The following TINAG variants were observed in gnomAD, a reference collection of about 807,000 sequenced individuals.
TINAG encodes tubulointerstitial nephritis antigen.
In TINAG, 83 loss-of-function variants were observed where a neutral mutation model predicts 72.7. That is an observed-to-expected ratio of 1.14 (90% CI 0.96 to 1.37). The LOEUF is 1.37. TINAG is among the 40% of genes most tolerant of loss of function. The pLI is 0.00. For synonymous variants in TINAG, 234 were observed against 189.9 expected, an observed-to-expected ratio of 1.23 and a Z score of -1.91; for missense variants, 685 against 576.6, an observed-to-expected ratio of 1.19 and a Z score of -1.93.
At chr6:54,373,425 G>C (rs1037095149) in intron 9 of TINAG, among the ~76,000 whole-genome samples, 5 of 152,050 alleles carry the variant, frequency 3.3e-5, no homozygotes, top group Admixed American at 6.6e-5. Flanking sequence ...ACCACAGCTA[G>C]AAATGATTCT....
At chr6:54,389,420 A>G (rs1479570572) in intron 10 of TINAG, among the ~76,000 whole-genome samples, 1 of 152,194 alleles carries the variant, frequency 6.6e-6, no homozygotes. Flanking sequence ...CTTCCTGAAC[A>G]TAAGATAATG....
intron 3 of TINAG, among the ~76,000 whole-genome samples, chr6:54,323,212 G>A (rs1582701140): frequency 1.3e-5 from 2 of 152,120 alleles, no homozygotes; most frequent in African/African-American, 4.8e-5. Flanking sequence ...CTTTAAAAGA[G>A]TAGAAAGTGA....
chr6:54,329,704 T>C (rs557471988), intron 4 of TINAG, among the ~76,000 whole-genome samples: 6 of 152,212 alleles, frequency 3.9e-5, no homozygotes, highest in East Asian at 1.9e-4. Context: ...TCAAGACCCA[T>C]CATTGTGCTG....
intron 1 of TINAG, among the ~76,000 whole-genome samples, chr6:54,313,339 A>G (rs1283315538): frequency 6.6e-6 from 1 of 152,140 alleles, no homozygotes; most frequent in Non-Finnish European, 1.5e-5. Context: ...TCTAATAGTG[A>G]CAAGATTGGG....
intron 9 of TINAG, among the ~76,000 whole-genome samples, chr6:54,360,567 T>C (rs1763195329): frequency 6.6e-6 from 1 of 151,622 alleles, no homozygotes; most frequent in Non-Finnish European, 1.5e-5. Context: ...TCCCTGTCCA[T>C]TGAAGGTCTA....
At chr6:54,378,733 TTTC>T (rs1434519580) in intron 9 of TINAG, among the ~76,000 whole-genome samples, 9 of 152,142 alleles carry the variant, frequency 5.9e-5, no homozygotes, top group African/African-American at 2.2e-4. Flanking sequence ...GACTTTTCTA[TTTC>T]TTCTTCTTTC....
At chr6:54,318,360 A>G (rs1328523398) in intron 1 of TINAG, among the ~76,000 whole-genome samples, 1 of 152,132 alleles carries the variant, frequency 6.6e-6, no homozygotes, top group Non-Finnish European at 1.5e-5. Flanking sequence ...TATTTTAGTG[A>G]TAGCTGTACC....
At chr6:54,310,796 T>TTC (rs1217445449) in intron 1 of TINAG, among the ~76,000 whole-genome samples, 1 of 149,836 alleles carries the variant, frequency 6.7e-6, no homozygotes, top group Non-Finnish European at 1.5e-5. Context: ...TCTTTCTTTT[T>TTC]TCTCTCTCTC....
At chr6:54,378,470 C>A (rs1299019536) in intron 9 of TINAG, among the ~76,000 whole-genome samples, 1 of 152,094 alleles carries the variant, frequency 6.6e-6, no homozygotes, top group Non-Finnish European at 1.5e-5. Context: ...CTTACAGCAA[C>A]TCTAAAGAGC....
chr6:54,308,814 C>A lies in TINAG; in HGVS notation c.264C>A (p.Asp88Glu), dbSNP rs978664955. The A allele has an allele frequency of 1.2e-6, 2 of 1,613,786 alleles. No homozygotes were observed. The highest frequency in any genetic ancestry group is 1.7e-6 in the Non-Finnish European group (2 of 1,179,884). The change falls in exon 1 of 11, where the codon GAC becomes GAA. Residue 88 changes from aspartate (D) to glutamate (E), a missense_variant. Asp to Glu is a conservative substitution (Grantham distance 45, BLOSUM62 2). Transcript: ENST00000259782. ...TGTGCTACTGTGATAAATTCTGTGA[C>A]AGAGAAAATTCTGATTGCTGTCCTG... ...NALCYCDKFC[D>E]RENSDCCPDY...
chr6:54,349,089 TTC>T (rs1399542686), intron 6 of TINAG, among the ~76,000 whole-genome samples: 1 of 152,010 alleles, frequency 6.6e-6, no homozygotes, highest in Non-Finnish European at 1.5e-5. Context: ...CAAAATCATT[TTC>T]TCTTTTAGAT....
In TINAG at chr6:54,389,946, AGG is replaced by A; in HGVS notation, c.*22_*23del. 1.9e-6 allele frequency: 3 copies of A among 1,603,202 alleles called. No individual in the cohort carries two copies. The highest frequency in any genetic ancestry group is 2.5e-6 in the Non-Finnish European group (3 of 1,176,700). ...CATAACATATCATTAAATTTCCATA[AGG>A]TCATGCCTTTAAGTAACCCCCTAAA... On this transcript the variant is annotated 3_prime_UTR_variant, in exon 11 of 11. Transcript: ENST00000259782.
At chr6:54,346,743 G>A (rs771593288) in intron 5 of TINAG, among the ~76,000 whole-genome samples, 14 of 151,862 alleles carry the variant, frequency 9.2e-5, no homozygotes, top group Non-Finnish European at 1.6e-4. Flanking sequence ...TATATTATGA[G>A]CACAAAAGTG....
chr6:54,390,064 C>G lies in TINAG; in HGVS notation c.*139C>G. 2 of 1,205,786 alleles carry G rather than the reference C, an allele frequency of 1.7e-6. No individual in the cohort carries two copies. The highest frequency in any genetic ancestry group is 5.3e-5 in the Admixed American group (2 of 37,418). The allele number at this position is 1,205,786 out of a possible 1,614,324, so 74.7% of individuals were successfully genotyped here. A position where few individuals can be genotyped will look rare whatever the true frequency, so the allele number is the denominator to read the frequency against. On this transcript the variant is annotated 3_prime_UTR_variant, in exon 11 of 11. Coordinates refer to ENST00000259782, the MANE Select transcript of TINAG (RefSeq NM_014464.4). ...AATCTATCTATTTTCTTATTTTCCCCTCTGGTCTATGCTTCTGCTTCCTTC... is the reference window on the plus strand; with the variant it reads ...AATCTATCTATTTTCTTATTTTCCCGTCTGGTCTATGCTTCTGCTTCCTTC...
chr6:54,378,652 T>A (rs1237213770), intron 9 of TINAG, among the ~76,000 whole-genome samples: 1 of 152,190 alleles, frequency 6.6e-6, no homozygotes, highest in East Asian at 1.9e-4. Flanking sequence ...ATTTCACTTT[T>A]AATTTATTCA....
At chr6:54,376,055 G>A (rs537353117) in intron 9 of TINAG, among the ~76,000 whole-genome samples, 5 of 152,192 alleles carry the variant, frequency 3.3e-5, no homozygotes, top group Admixed American at 6.5e-5. Flanking sequence ...GCAGAGATGA[G>A]GTTTTCATGG....
chr6:54,318,388 G>A (rs2150933560), intron 1 of TINAG, among the ~76,000 whole-genome samples: 1 of 152,124 alleles, frequency 6.6e-6, no homozygotes, highest in East Asian at 1.9e-4. Context: ...TATTACTCAA[G>A]CCAAAGTCCT....
intron 9 of TINAG, among the ~76,000 whole-genome samples, chr6:54,362,413 C>A (rs1336168053): frequency 1.3e-5 from 2 of 151,608 alleles, no homozygotes; most frequent in Middle Eastern, 3.2e-3. Flanking sequence ...TGGATGACAG[C>A]AAATCTGTTT....
intron 3 of TINAG, among the ~76,000 whole-genome samples, chr6:54,323,104 ACTTT>A (rs1784529388): frequency 6.6e-6 from 1 of 152,198 alleles, no homozygotes; most frequent in Admixed American, 6.5e-5. Flanking sequence ...GGAAGGAGGA[ACTTT>A]CTTTCCATGA....
Sources: allele counts gnomAD v4.1 joint callset (sites outside exome capture counted in the v4.1 genomes callset), GRCh38; gene constraint gnomAD v4.1.1; transcripts MANE v1.5; gene names NCBI Gene and HGNC (gene_info 2026-07-23, HGNC 2026-07-21).